Variants in ZNF813 observed in about 807,000 individuals in gnomAD.
ZNF813 encodes zinc finger protein 813.
ZNF813 carries 3 observed loss-of-function variants against 7.2 expected under a neutral mutation model. The ratio of observed to expected loss-of-function variants is 0.42; its 90% confidence interval spans 0.19 to 1.08. The LOEUF is 1.08. Ranked by LOEUF, ZNF813 falls within the 50% of genes least tolerant of loss-of-function variation. ZNF813 has a pLI of 0.30. For synonymous variants in ZNF813, 227 were observed against 256.3 expected, an observed-to-expected ratio of 0.89 and a Z score of 1.09; for missense variants, 714 against 753.3, an observed-to-expected ratio of 0.95 and a Z score of 0.61.
At chr19:53,485,584 A>ACGTGTGT (rs2086428670) in intron 2 of ZNF813, among the ~76,000 whole-genome samples, 1 of 127,044 alleles carries the variant, frequency 7.9e-6, no homozygotes, top group Non-Finnish European at 1.7e-5. Flanking sequence ...GTATGTCATG[A>ACGTGTGT]CATATGTATG....
rs756610238 is a variant in ZNF813 at position 53,491,358 on chromosome 19, C to T, written c.1126C>T (p.Leu376Phe). The T allele has an allele frequency of 5.0e-6, 8 of 1,612,384 alleles. No individual in the cohort carries two copies. Among genetic ancestry groups the T allele is most frequent in the Middle Eastern group, 1.6e-4 (1 of 6,070 alleles). Residue 376 changes from leucine to phenylalanine, a missense_variant, in exon 4 of 4, where the codon CTT becomes TTT. Transcript: ENST00000396403. ...GTCATCCCTTACATGCCATCATAGA[C>T]TTCATACGGGAGAGAAACCTTATAA... Reference protein sequence around the residue: ...RKSSLTCHHRLHTGEKPYKCN... With the variant: ...RKSSLTCHHRFHTGEKPYKCN...
intron 3 of ZNF813, chr19:53,488,132 C>A (rs1771885753): frequency 2.5e-6 from 1 of 395,778 alleles, no homozygotes; most frequent in Non-Finnish European, 5.1e-6. Context: ...TCAAGTGATT[C>A]TCCTGCCTCA....
Position 53,490,412 on chromosome 19 carries a change from A to C in ZNF813, c.180A>C (p.Ser60=), listed in dbSNP as rs746591441. The stretch of plus-strand genomic sequence containing the variant: ...AATGCATGATGAAGGAGTTCTCATC[A>C]ACAGCACAAGGCAATAGAGAAGTGA... ...SSKCMMKEFS[S]TAQGNREVIH... is the part of the protein sequence containing the mutation. The change falls in exon 4 of 4, where the codon TCA becomes TCC. Residue 60 remains serine, a synonymous_variant. Transcript: ENST00000396403. 4.3e-6 allele frequency: 7 copies of C among 1,613,980 alleles called. No homozygotes were observed. Among genetic ancestry groups the C allele is most frequent in the African/African-American group, 1.3e-5 (1 of 74,900 alleles).
At chr19:53,474,426 T>C (rs2086372971) in intron 1 of ZNF813, among the ~76,000 whole-genome samples, 1 of 152,108 alleles carries the variant, frequency 6.6e-6, no homozygotes, top group South Asian at 2.1e-4. Context: ...CGGTGGCTCA[T>C]GCCTGTAATC....
Position 53,490,941 on chromosome 19 carries a change from C to G in ZNF813, c.709C>G (p.His237Asp). 6.2e-7 allele frequency: 1 copy of G among 1,614,048 alleles called. No homozygotes were observed. Among genetic ancestry groups the G allele is most frequent in the Non-Finnish European group, 8.5e-7 (1 of 1,179,982 alleles). The change falls in exon 4 of 4, where the codon CAT (histidine) becomes GAT (aspartate). Residue 237 changes from histidine to aspartate, a missense_variant. Around this residue, in one of 3 missense-constraint regions of ZNF813, gnomAD observed 563 missense variants for 554.2 expected, o/e 1.02. Transcript: ENST00000396403. ...SSLLRKHQII[H>D]LGEKQYKCDV... is the part of the protein sequence containing the mutation. ...ACTCTTAAGGAAACATCAAATAATCCATTTAGGAGAGAAACAATATAAATG... is the reference window on the plus strand; with the variant it reads ...ACTCTTAAGGAAACATCAAATAATCGATTTAGGAGAGAAACAATATAAATG...
In ZNF813 at chr19:53,492,865, G is replaced by C. The variant is rs2086470357; in HGVS notation, c.*779G>C. 6.4e-6 allele frequency: 3 copies of C among 470,408 alleles called. No individual in the cohort carries two copies. The highest frequency in any genetic ancestry group is 1.3e-5 in the Non-Finnish European group (3 of 234,516). 29.1% of individuals were successfully genotyped at this position (470,408 alleles called of 1,614,324 possible). On this transcript the variant is annotated 3_prime_UTR_variant, in exon 4 of 4. Coordinates refer to ENST00000396403, the MANE Select transcript of ZNF813 (RefSeq NM_001004301.4). ...AAAACATAGGAGAATTCATACAGGA[G>C]AGAAACCTCACGTGTGATGATTGTG...
In ZNF813 at chr19:53,495,635, A is replaced by T. The variant is rs1600118158; in HGVS notation, c.*3549A>T. ...AGAACAGGCTGATTAACATGGTGAAACCCCGTCTCTACTAAAAATACAAAA... is the reference window on the plus strand; with the variant it reads ...AGAACAGGCTGATTAACATGGTGAATCCCCGTCTCTACTAAAAATACAAAA... On this transcript the variant is annotated 3_prime_UTR_variant, in exon 4 of 4. Coordinates refer to ENST00000396403, the MANE Select transcript of ZNF813 (RefSeq NM_001004301.4). 6.8e-6 allele frequency: 1 copy of T among 147,482 alleles called. No homozygotes were observed. Among genetic ancestry groups the T allele is most frequent in the African/African-American group, 2.5e-5 (1 of 39,868 alleles). 9.1% of individuals were successfully genotyped at this position (147,482 alleles called of 1,614,324 possible).
chr19:53,470,244 TCGCAAACAGCGTTATGTTATAA>T (rs775684164), intron 1 of ZNF813, among the ~76,000 whole-genome samples: 28 of 152,244 alleles, frequency 1.8e-4, no homozygotes, highest in Non-Finnish European at 3.1e-4. Context: ...GGCTTCGACT[TCGCAAACAGCGTTATGTTATAA>T]CTGTTCTCTA....
chr19:53,469,788 C>T lies in ZNF813; in HGVS notation c.-74+1999C>T, dbSNP rs545797313. Among the ~76,000 whole-genome samples the T allele has an allele frequency of 9.9e-4, 148 of 149,464 alleles. 2 individuals are homozygous for T. The highest frequency in any genetic ancestry group is 3.9e-3 in the East Asian group (20 of 5,076). On this transcript the variant is annotated intron_variant, in intron 1 of 3. Coordinates refer to ENST00000396403, the MANE Select transcript of ZNF813 (RefSeq NM_001004301.4). ...GAGGACACCTGGGGATCTAGGCTGCCAGAGAGTGGGGACAGGGGGTATAAC... is the reference window on the plus strand; with the variant it reads ...GAGGACACCTGGGGATCTAGGCTGCTAGAGAGTGGGGACAGGGGGTATAAC...
chr19:53,491,254 C>T lies in ZNF813; in HGVS notation c.1022C>T (p.Ser341Phe). 3.1e-6 allele frequency: 5 copies of T among 1,613,672 alleles called. No homozygotes were observed. The highest frequency in any genetic ancestry group is 4.2e-6 in the Non-Finnish European group (5 of 1,179,894). Residue 341 changes from serine (S) to phenylalanine (F), a missense_variant, in exon 4 of 4, where the codon TCC becomes TTC. Ser to Phe is a radical substitution (Grantham distance 155). Coordinates refer to ENST00000396403, the MANE Select transcript of ZNF813 (RefSeq NM_001004301.4). Reference protein sequence around the residue: ...ECGKTFSQTSSLTCHRRLHTG... With the variant: ...ECGKTFSQTSFLTCHRRLHTG... ...GGCAAGACCTTTAGTCAGACGTCAT[C>T]CCTTACATGCCATCGTAGACTTCAT...
chr19:53,469,542 C>T (rs376976509), intron 1 of ZNF813, among the ~76,000 whole-genome samples: 1 of 151,240 alleles, frequency 6.6e-6, no homozygotes, highest in Non-Finnish European at 1.5e-5. Flanking sequence ...CAAGAGACAA[C>T]GAAAGTGAAA....
chr19:53,490,270 G>T lies in ZNF813; in HGVS notation c.143-105G>T, dbSNP rs943450877. 5 of 1,299,836 alleles carry T rather than the reference G, an allele frequency of 3.8e-6. No homozygotes were observed. In the Admixed American group the frequency reaches 9.6e-5, roughly 25 times the overall value. The allele number at this position is 1,299,836 out of a possible 1,614,324, so 80.5% of individuals were successfully genotyped here. A position where few individuals can be genotyped will look rare whatever the true frequency, so the allele number is the denominator to read the frequency against. On this transcript the variant is annotated intron_variant, in intron 3 of 3. Coordinates refer to ENST00000396403, the MANE Select transcript of ZNF813 (RefSeq NM_001004301.4). ...TGTGTTCCTAAACTTTGAAGATCAT[G>T]TTGGGGAAGTTTAAAATGAGTATTT... is the stretch of plus-strand genomic sequence containing the variant.
At position 53,492,723 on chromosome 19, in the gene ZNF813, C is replaced by T. The variant is rs375247028; in HGVS notation, c.*637C>T. 774 of 703,122 alleles carry T rather than the reference C, an allele frequency of 1.1e-3. 7 individuals carry two copies. Among genetic ancestry groups the T allele is most frequent in the South Asian group, 0.01 (744 of 73,334 alleles). 43.6% of individuals were successfully genotyped at this position (703,122 alleles called of 1,614,324 possible). A position where few individuals can be genotyped will look rare whatever the true frequency, so the allele number is the denominator to read the frequency against. On this transcript the variant is annotated 3_prime_UTR_variant, in exon 4 of 4. Transcript: ENST00000396403. ...AGAGAGATCATACAAGTGTAATAAT[C>T]GGCAAATTTTTCAGACATCGTCCAT... is the stretch of plus-strand genomic sequence containing the variant.
Position 53,486,665 on chromosome 19 carries a change from T to G in ZNF813, c.49T>G (p.Phe17Val). 1 of 1,614,080 alleles carries G rather than the reference T, an allele frequency of 6.2e-7. No homozygotes were observed. Among genetic ancestry groups the G allele is most frequent in the Non-Finnish European group, 8.5e-7 (1 of 1,179,956 alleles). ...LLTFRDVAIE[F>V]SQEEWKCLDP... ...GACATTCAGGGATGTGGCCATAGAA[T>G]TCTCTCAGGAGGAGTGGAAATGCCT... The change falls in exon 3 of 4, where the codon TTC (phenylalanine) becomes GTC (valine). Residue 17 changes from phenylalanine to valine, a missense_variant. Physicochemically the swap from Phe to Val is conservative, Grantham distance 50 (BLOSUM62 -1). This residue lies in a region of ZNF813 where 29 missense variants were observed against 52.3 expected (regional missense o/e 0.55). Coordinates refer to ENST00000396403, the MANE Select transcript of ZNF813 (RefSeq NM_001004301.4).
intron 1 of ZNF813, among the ~76,000 whole-genome samples, chr19:53,469,434 A>C (rs1440089261): frequency 6.6e-6 from 1 of 152,254 alleles, no homozygotes; most frequent in South Asian, 2.1e-4. Flanking sequence ...CTGTGGGCTA[A>C]AGGGATCAGG....
chr19:53,475,437 G>T (rs7249747), intron 1 of ZNF813, among the ~76,000 whole-genome samples: 1 of 152,022 alleles, frequency 6.6e-6, no homozygotes, highest in Non-Finnish European at 1.5e-5. Flanking sequence ...GGAATACCTC[G>T]TCTACTGTTT....
chr19:53,489,689 A>C (rs527460989), intron 3 of ZNF813, among the ~76,000 whole-genome samples: 1 of 152,322 alleles, frequency 6.6e-6, no homozygotes, highest in Admixed American at 6.5e-5. Context: ...ACAGTAATTC[A>C]GAAAAATATT....
chr19:53,471,709 G>A (rs1178909781), intron 1 of ZNF813, among the ~76,000 whole-genome samples: 2 of 151,404 alleles, frequency 1.3e-5, no homozygotes, highest in Non-Finnish European at 2.9e-5. Context: ...CTACTCGGGA[G>A]GCTGAGGCAG....
At chr19:53,475,506 G>A (rs546708141) in intron 1 of ZNF813, among the ~76,000 whole-genome samples, 4,563 of 152,268 alleles carry the variant, frequency 0.03, 4 homozygotes, top group Non-Finnish European at 0.044. Flanking sequence ...CCGGGTTAGG[G>A]TGTTTACTGT....
Sources: allele counts gnomAD v4.1 joint callset (sites outside exome capture counted in the v4.1 genomes callset), GRCh38; gene constraint gnomAD v4.1.1; regional missense constraint gnomAD v4.1.1; transcripts MANE v1.5; gene names NCBI Gene and HGNC (gene_info 2026-07-23, HGNC 2026-07-21).